The following DNAJC24 variants were observed in gnomAD, a reference collection of about 807,000 sequenced individuals.
The protein encoded by DNAJC24 is dnaJ homolog subfamily C member 24.
DNAJC24 carries 17 observed loss-of-function variants against 18.0 expected under a neutral mutation model. The ratio of observed to expected loss-of-function variants is 0.94; its 90% CI spans 0.65 to 1.42. The LOEUF (loss-of-function observed/expected upper bound fraction) is 1.42, where lower values mean the gene tolerates loss of function less well. Among genes scored for constraint, DNAJC24 ranks in the 40% most tolerant of loss-of-function variants. DNAJC24 has a pLI of 0.00. For missense variants in DNAJC24, 158 were observed against 175.6 expected, an observed-to-expected ratio of 0.90 and a Z score of 0.57; for synonymous variants, 55 against 57.7, an observed-to-expected ratio of 0.95 and a Z score of 0.21.
At position 31,374,141 on chromosome 11, in the gene DNAJC24, G is replaced by T. The variant is rs1021643967; in HGVS notation, c.111+3282G>T. ...GCTTCTATTAAAATGTTCAGTTGAA[G>T]TGTTAAGAGCAGGTATCCTTGCCTT... On this transcript the variant is annotated intron_variant, in intron 2 of 4. Coordinates refer to ENST00000465995, the MANE Select transcript of DNAJC24 (RefSeq NM_181706.5). 7.6e-6 allele frequency: 3 copies of T among 393,026 alleles called. 1 individual carries two copies. Among genetic ancestry groups the T allele is most frequent in the African/African-American group, 6.2e-5 (3 of 48,618 alleles). The allele number at this position is 393,026 out of a possible 1,614,324, so 24.3% of individuals were successfully genotyped here. A position where few individuals can be genotyped will look rare whatever the true frequency, so the allele number is the denominator to read the frequency against.
chr11:31,401,777 G>A (rs1419363785), intron 2 of DNAJC24, among the ~76,000 whole-genome samples: 2 of 152,156 alleles, frequency 1.3e-5, no homozygotes, highest in African/African-American at 2.4e-5. Context: ...AGGGATGTAT[G>A]TTTCTTCATA....
chr11:31,401,947 T>C (rs1266297536), intron 2 of DNAJC24, among the ~76,000 whole-genome samples: 1 of 152,204 alleles, frequency 6.6e-6, no homozygotes, highest in Non-Finnish European at 1.5e-5. Flanking sequence ...GCCGTTACAT[T>C]ACGGAGCCAA....
At chr11:31,396,303 A>G (rs1952542241) in intron 2 of DNAJC24, 1 of 454,622 alleles carries the variant, frequency 2.2e-6, no homozygotes, top group African/African-American at 2.0e-5. Context: ...TCTATGTGAT[A>G]TAAATGTCAC....
At chr11:31,394,743 A>G (rs1222423436) in intron 2 of DNAJC24, among the ~76,000 whole-genome samples, 4 of 152,140 alleles carry the variant, frequency 2.6e-5, no homozygotes, top group African/African-American at 9.7e-5. Context: ...GTAAATAAGG[A>G]GAAAAAAATA....
intron 2 of DNAJC24, among the ~76,000 whole-genome samples, chr11:31,393,128 T>C (rs895080612): frequency 6.6e-6 from 1 of 152,210 alleles, no homozygotes; most frequent in African/African-American, 2.4e-5. Flanking sequence ...CTTCGGCTTC[T>C]ATGCCCGAAT....
At chr11:31,426,411 G>GAA in intron 4 of DNAJC24, 56 bp downstream of exon 4, 4 of 984,088 alleles carry the variant, frequency 4.1e-6, no homozygotes, top group East Asian at 5.5e-5. Flanking sequence ...TTTTCTATAA[G>GAA]AAAAAAAAAC....
intron 2 of DNAJC24, among the ~76,000 whole-genome samples, chr11:31,382,913 C>CT (rs1182771182): frequency 6.6e-6 from 1 of 152,120 alleles, no homozygotes; most frequent in Non-Finnish European, 1.5e-5. Context: ...GGCTGTAAAT[C>CT]TGGGTTCCCA....
intron 2 of DNAJC24, among the ~76,000 whole-genome samples, chr11:31,400,281 G>A (rs1952587919): frequency 6.6e-6 from 1 of 152,154 alleles, no homozygotes; most frequent in Non-Finnish European, 1.5e-5. Flanking sequence ...CCCAGTAATG[G>A]GATTGCTGGG....
At chr11:31,424,280 T>C (rs751046775) in intron 3 of DNAJC24, among the ~76,000 whole-genome samples, 5 of 152,170 alleles carry the variant, frequency 3.3e-5, no homozygotes, top group Non-Finnish European at 5.9e-5. Flanking sequence ...GTCTATAAGA[T>C]ACCCTGGAAT....
At chr11:31,383,058 G>C (rs1344468265) in intron 2 of DNAJC24, among the ~76,000 whole-genome samples, 5 of 152,126 alleles carry the variant, frequency 3.3e-5, no homozygotes, top group Non-Finnish European at 5.9e-5. Flanking sequence ...GAGGTCTGTA[G>C]GGGTCCCCAG....
chr11:31,417,892 A>G (rs922556422), intron 3 of DNAJC24, among the ~76,000 whole-genome samples: 1 of 152,080 alleles, frequency 6.6e-6, no homozygotes, highest in African/African-American at 2.4e-5. Context: ...TTTGCTTCTC[A>G]AAAGAAATGA....
At chr11:31,425,903 G>A (rs1292504681) in intron 3 of DNAJC24, among the ~76,000 whole-genome samples, 1 of 152,090 alleles carries the variant, frequency 6.6e-6, no homozygotes, top group African/African-American at 2.4e-5. Flanking sequence ...TTTTATCTAA[G>A]TCCACACTGC....
At chr11:31,380,140 T>A (rs1374922454) in intron 2 of DNAJC24, among the ~76,000 whole-genome samples, 2 of 152,204 alleles carry the variant, frequency 1.3e-5, no homozygotes, top group African/African-American at 4.8e-5. Context: ...TATGAAGAGA[T>A]GATTTAGGGC....
At chr11:31,413,304 G>A (rs1952725060) in intron 2 of DNAJC24, among the ~76,000 whole-genome samples, 1 of 147,464 alleles carries the variant, frequency 6.8e-6, no homozygotes, top group East Asian at 2.0e-4. Flanking sequence ...AACTGTCAAA[G>A]TAATTATTGG....
At chr11:31,408,750 A>G (rs999095592) in intron 2 of DNAJC24, among the ~76,000 whole-genome samples, 1 of 152,162 alleles carries the variant, frequency 6.6e-6, no homozygotes. Context: ...AATGAATGAT[A>G]TGGTAATTTA....
At chr11:31,374,226 A>G (rs1952291725) in intron 2 of DNAJC24, 2 of 259,132 alleles carry the variant, frequency 7.7e-6, no homozygotes, top group Non-Finnish European at 1.7e-5. Flanking sequence ...TGTTAGGTGT[A>G]TGTTTTTAAA....
chr11:31,377,070 G>A (rs761596104), intron 2 of DNAJC24, among the ~76,000 whole-genome samples: 3 of 152,060 alleles, frequency 2.0e-5, no homozygotes, highest in Non-Finnish European at 2.9e-5. Flanking sequence ...TTTCAACAAT[G>A]TCACAAAACA....
At chr11:31,371,944 C>T (rs752467212) in intron 2 of DNAJC24, among the ~76,000 whole-genome samples, 11 of 151,178 alleles carry the variant, frequency 7.3e-5, no homozygotes, top group Non-Finnish European at 1.0e-4. Flanking sequence ...CTGTCTCAGC[C>T]TCCCAAGTAG....
At chr11:31,370,929 T>G in intron 2 of DNAJC24, 70 bp downstream of exon 2, 1 of 960,418 alleles carries the variant, frequency 1.0e-6, no homozygotes. Context: ...ACCACAAATT[T>G]AGGTTTCCAG....
Sources: allele counts gnomAD v4.1 joint callset (sites outside exome capture counted in the v4.1 genomes callset), GRCh38; gene constraint gnomAD v4.1.1; transcripts MANE v1.5; gene names NCBI Gene and HGNC (gene_info 2026-07-23, HGNC 2026-07-21).